SMOC2: variants seen among roughly 807,000 people sequenced by gnomAD.
The protein encoded by SMOC2 is SPARC related modular calcium binding 2.
SMOC2 carries 39 observed loss-of-function variants against 61.4 expected under a neutral mutation model. That is an observed-to-expected ratio of 0.64 (90% CI 0.49 to 0.83). The LOEUF (loss-of-function observed/expected upper bound fraction) is 0.83. SMOC2 is among the 40% of genes least tolerant of loss of function. The pLI is 0.00. For synonymous variants in SMOC2, 247 were observed against 239.9 expected (o/e 1.03, Z -0.27); for missense variants, 556 against 592.9 (o/e 0.94, Z 0.65).
intron 7 of SMOC2, among the ~76,000 whole-genome samples, chr6:168,559,005 A>G (rs1043527286): frequency 2.6e-5 from 4 of 152,332 alleles, no homozygotes; most frequent in Non-Finnish European, 5.9e-5. Context: ...TGTAATAGTA[A>G]CTAGTTTTTT....
intron 2 of SMOC2, among the ~76,000 whole-genome samples, chr6:168,516,641 G>A (rs1043513422): frequency 6.6e-6 from 1 of 152,064 alleles, no homozygotes; most frequent in African/African-American, 2.4e-5. Context: ...TGAGGCCCAC[G>A]GTGCAGGAAG....
At chr6:168,508,930 C>A (rs959281182) in intron 1 of SMOC2, among the ~76,000 whole-genome samples, 17 of 152,178 alleles carry the variant, frequency 1.1e-4, no homozygotes, top group African/African-American at 4.1e-4. Flanking sequence ...AGGTGATAGT[C>A]TGGGGACCAA....
intron 9 of SMOC2, among the ~76,000 whole-genome samples, chr6:168,632,303 C>T (rs191953221): frequency 2.0e-5 from 3 of 152,252 alleles, no homozygotes; most frequent in Admixed American, 2.0e-4. Flanking sequence ...AATTATAGAA[C>T]AAGTCATCAG....
Position 168,619,564 on chromosome 6 carries a change from A to G in SMOC2, c.907+11325A>G, listed in dbSNP as rs77589478. On this transcript the variant is annotated intron_variant, in intron 9 of 12. Coordinates refer to ENST00000356284, the MANE Select transcript of SMOC2 (RefSeq NM_001166412.2). ...CGGTATACACTTAAAAATAACAAGTATGCTTTTAACTGGCCTACAGTGGTT... is the reference window on the plus strand; with the variant it reads ...CGGTATACACTTAAAAATAACAAGTGTGCTTTTAACTGGCCTACAGTGGTT... 1.6e-3 allele frequency among the ~76,000 whole-genome samples: 238 copies of G among 152,370 alleles called. 7 individuals are homozygous for G. In the East Asian group the frequency reaches 0.044, roughly 28 times the overall value.
intron 9 of SMOC2, among the ~76,000 whole-genome samples, chr6:168,617,215 G>T (rs530553455): frequency 1.3e-5 from 2 of 152,154 alleles, no homozygotes; most frequent in Admixed American, 1.3e-4. Flanking sequence ...ACAAGAACAG[G>T]AATAGAGAAA....
intron 7 of SMOC2, among the ~76,000 whole-genome samples, chr6:168,580,032 C>T (rs1784887795): frequency 6.6e-6 from 1 of 151,780 alleles, no homozygotes; most frequent in Non-Finnish European, 1.5e-5. Flanking sequence ...ACTTGGGAGG[C>T]ATTCCCATCA....
intron 7 of SMOC2, among the ~76,000 whole-genome samples, chr6:168,569,911 T>A (rs1475913862): frequency 2.0e-5 from 3 of 152,254 alleles, no homozygotes; most frequent in African/African-American, 7.2e-5. Flanking sequence ...GAGGTTGTCT[T>A]TAAAGAGTCA....
At chr6:168,558,865 G>A (rs1434157608) in intron 7 of SMOC2, among the ~76,000 whole-genome samples, 1 of 107,148 alleles carries the variant, frequency 9.3e-6, no homozygotes, top group Non-Finnish European at 1.8e-5. Context: ...GTGCGCATGT[G>A]TGTGCATGTG....
At chr6:168,610,337 C>T (rs752270803) in intron 9 of SMOC2, among the ~76,000 whole-genome samples, 4 of 152,090 alleles carry the variant, frequency 2.6e-5, no homozygotes, top group African/African-American at 4.8e-5. Flanking sequence ...GTGCTGTTGC[C>T]ATAGATGTTT....
chr6:168,662,558 G>A (rs1015494666), intron 11 of SMOC2, among the ~76,000 whole-genome samples: 6 of 152,216 alleles, frequency 3.9e-5, no homozygotes, highest in East Asian at 1.9e-4. Context: ...AGCCCACCCC[G>A]CCTCCAGCAT....
intron 7 of SMOC2, among the ~76,000 whole-genome samples, chr6:168,556,059 C>T (rs934222083): frequency 1.3e-5 from 2 of 152,180 alleles, no homozygotes; most frequent in Admixed American, 1.3e-4. Context: ...ATGCGGGTCT[C>T]AGCCCGAGGC....
At chr6:168,563,007 G>A (rs1784456628) in intron 7 of SMOC2, among the ~76,000 whole-genome samples, 1 of 152,252 alleles carries the variant, frequency 6.6e-6, no homozygotes, top group African/African-American at 2.4e-5. Flanking sequence ...AACGGGGGCT[G>A]GGAGTGGAGA....
intron 1 of SMOC2, among the ~76,000 whole-genome samples, chr6:168,492,580 C>T (rs564666307): frequency 9.2e-5 from 14 of 152,300 alleles, no homozygotes; most frequent in Admixed American, 2.6e-4. Flanking sequence ...GCATCTGTTA[C>T]GAATTTCATA....
At chr6:168,585,266 C>A (rs1785022469) in intron 7 of SMOC2, among the ~76,000 whole-genome samples, 1 of 152,170 alleles carries the variant, frequency 6.6e-6, no homozygotes, top group Admixed American at 6.5e-5. Context: ...GCCTACATTA[C>A]TTTGGTCTGT....
At chr6:168,479,746 C>A (rs551543619) in intron 1 of SMOC2, among the ~76,000 whole-genome samples, 1 of 152,174 alleles carries the variant, frequency 6.6e-6, no homozygotes, top group Admixed American at 6.5e-5. Flanking sequence ...ATGTTGATTG[C>A]AGCTGTTGAT....
chr6:168,543,866 G>T (rs116845293), intron 5 of SMOC2, among the ~76,000 whole-genome samples, 194 bp downstream of exon 5: 27 of 152,242 alleles, frequency 1.8e-4, no homozygotes, highest in Non-Finnish European at 2.9e-4. Flanking sequence ...CTCCGCTGGG[G>T]TCGCTGGTGT....
At chr6:168,624,334 G>T (rs1329261546) in intron 9 of SMOC2, among the ~76,000 whole-genome samples, 1 of 152,238 alleles carries the variant, frequency 6.6e-6, no homozygotes, top group Non-Finnish European at 1.5e-5. Context: ...AATCTGAGCT[G>T]CATGTGAACA....
intron 2 of SMOC2, among the ~76,000 whole-genome samples, chr6:168,519,071 G>A (rs902639056): frequency 6.6e-6 from 1 of 150,750 alleles, no homozygotes; most frequent in African/African-American, 2.4e-5. Context: ...GTGTGTGAGT[G>A]TATGTATGCG....
At chr6:168,457,581 C>A (rs1221516971) in intron 1 of SMOC2, among the ~76,000 whole-genome samples, 1 of 152,196 alleles carries the variant, frequency 6.6e-6, no homozygotes. Context: ...GAACATGAGC[C>A]CCGCGTCACG....
Sources: gnomAD v4.1 joint callset for allele counts (sites outside exome capture counted in the v4.1 genomes callset) on GRCh38, gnomAD v4.1.1 for gene constraint, MANE v1.5 for transcripts, NCBI Gene and HGNC (gene_info 2026-07-23, HGNC 2026-07-21) for gene names.